RUNDC3B: variants seen among roughly 807,000 people sequenced by gnomAD.
RUNDC3B encodes RUN domain-containing protein 3B.
A neutral mutation model predicts 58.4 loss-of-function variants in RUNDC3B; 33 were observed. The ratio of observed to expected loss-of-function variants is 0.56; its 90% confidence interval spans 0.43 to 0.75. The LOEUF is 0.75. RUNDC3B is among the 30% of genes least tolerant of loss of function. RUNDC3B has a pLI of 0.00. For synonymous variants in RUNDC3B, 193 were observed against 195.2 expected, an observed-to-expected ratio of 0.99 and a Z score of 0.10; for missense variants, 501 against 535.7, an observed-to-expected ratio of 0.94 and a Z score of 0.64.
Position 87,768,519 on chromosome 7 carries a change from C to T in RUNDC3B, c.630-2062C>T, listed in dbSNP as rs151250165. ...GCTCAGGTTTGGGGGCAATGTGAGCCCAGCTGCACAAGCTGACCACCTGGT... is the reference window on the plus strand; with the variant it reads ...GCTCAGGTTTGGGGGCAATGTGAGCTCAGCTGCACAAGCTGACCACCTGGT... On this transcript the variant is annotated intron_variant, in intron 6 of 10. Coordinates refer to ENST00000394654, the MANE Select transcript of RUNDC3B (RefSeq NM_001134405.2). Among the ~76,000 whole-genome samples the T allele has an allele frequency of 2.6e-5, 4 of 152,332 alleles. No individual in the cohort carries two copies. In the East Asian group the frequency reaches 7.7e-4, roughly 29 times the overall value.
chr7:87,717,994 GATTT>G (rs1235141003), intron 4 of RUNDC3B, among the ~76,000 whole-genome samples: 1 of 152,048 alleles, frequency 6.6e-6, no homozygotes, highest in African/African-American at 2.4e-5. Flanking sequence ...GATCAAGTGT[GATTT>G]ATTCTGGGAA....
chr7:87,811,838 TA>T (rs1836732554), intron 9 of RUNDC3B, among the ~76,000 whole-genome samples: 1 of 152,248 alleles, frequency 6.6e-6, no homozygotes, highest in Non-Finnish European at 1.5e-5. Flanking sequence ...TTGATTTTAA[TA>T]AATTAAGAGA....
At chr7:87,818,914 C>A (rs1353000391) in intron 10 of RUNDC3B, among the ~76,000 whole-genome samples, 4 of 152,062 alleles carry the variant, frequency 2.6e-5, no homozygotes, top group Non-Finnish European at 4.4e-5. Context: ...ACAGTAAAAA[C>A]AAACAAACAA....
At chr7:87,764,478 G>A (rs933383232) in intron 6 of RUNDC3B, among the ~76,000 whole-genome samples, 15 of 151,708 alleles carry the variant, frequency 9.9e-5, no homozygotes, top group African/African-American at 3.6e-4. Flanking sequence ...ATTGCTTAAT[G>A]GTGAGCTTTG....
intron 2 of RUNDC3B, among the ~76,000 whole-genome samples, chr7:87,652,367 T>C (rs1241306070): frequency 6.6e-6 from 1 of 152,034 alleles, no homozygotes; most frequent in Non-Finnish European, 1.5e-5. Context: ...CGCACTAATC[T>C]GCCATCTTCT....
intron 2 of RUNDC3B, among the ~76,000 whole-genome samples, chr7:87,688,488 A>G (rs1233112479): frequency 2.0e-5 from 3 of 151,520 alleles, no homozygotes; most frequent in East Asian, 1.9e-4. Context: ...ACTTTTGCCT[A>G]TTTCTTCTGT....
At chr7:87,818,878 G>A (rs901725306) in intron 10 of RUNDC3B, among the ~76,000 whole-genome samples, 1 of 152,024 alleles carries the variant, frequency 6.6e-6, no homozygotes, top group Admixed American at 6.6e-5. Flanking sequence ...GTGTTAAGAA[G>A]GTAAATTTAA....
At chr7:87,744,988 C>CT (rs1832563280) in intron 6 of RUNDC3B, among the ~76,000 whole-genome samples, 1 of 152,092 alleles carries the variant, frequency 6.6e-6, no homozygotes, top group Non-Finnish European at 1.5e-5. Context: ...AGGTAGGTCC[C>CT]TTGTATGCCG....
chr7:87,689,483 CT>C (rs1827810966), intron 2 of RUNDC3B, among the ~76,000 whole-genome samples: 1 of 151,852 alleles, frequency 6.6e-6, no homozygotes, highest in Non-Finnish European at 1.5e-5. Flanking sequence ...AACAATTTTG[CT>C]TTATTGCGCT....
intron 1 of RUNDC3B, among the ~76,000 whole-genome samples, chr7:87,630,838 C>A (rs535879105): frequency 6.6e-6 from 1 of 151,940 alleles, no homozygotes; most frequent in East Asian, 1.9e-4. Flanking sequence ...CATGTGTGCC[C>A]TTATCAGAGA....
At chr7:87,723,318 G>A (rs1831017884) in intron 4 of RUNDC3B, among the ~76,000 whole-genome samples, 1 of 152,060 alleles carries the variant, frequency 6.6e-6, no homozygotes, top group South Asian at 2.1e-4. Flanking sequence ...TAGAGAAAAT[G>A]GGTAATATTC....
intron 7 of RUNDC3B, among the ~76,000 whole-genome samples, chr7:87,771,862 A>G (rs1242633051): frequency 6.6e-6 from 1 of 152,230 alleles, no homozygotes; most frequent in Non-Finnish European, 1.5e-5. Flanking sequence ...AATAGCAAAA[A>G]TAATGACCAA....
intron 4 of RUNDC3B, among the ~76,000 whole-genome samples, chr7:87,720,590 A>T (rs2130773618): frequency 7.0e-6 from 1 of 142,916 alleles, no homozygotes; most frequent in Non-Finnish European, 1.5e-5. Flanking sequence ...AATAATTATA[A>T]TTTTCTTTTT....
intron 6 of RUNDC3B, among the ~76,000 whole-genome samples, chr7:87,752,816 CA>C (rs924807222): frequency 6.0e-5 from 9 of 150,822 alleles, no homozygotes; most frequent in Non-Finnish European, 1.2e-4. Flanking sequence ...TTGATCCTTT[CA>C]AAAAACCAGC....
intron 6 of RUNDC3B, 87 bp from the exon 7 acceptor site, chr7:87,770,494 G>C (rs997220488): frequency 2.0e-6 from 2 of 992,808 alleles, no homozygotes; most frequent in Non-Finnish European, 3.0e-6. Context: ...TTTCGAATTT[G>C]TTCACCGTAG....
intron 8 of RUNDC3B, among the ~76,000 whole-genome samples, chr7:87,792,852 G>T (rs1160918156): frequency 6.6e-6 from 1 of 151,790 alleles, no homozygotes; most frequent in Non-Finnish European, 1.5e-5. Context: ...ATAATAAAGT[G>T]CAGAATAAAT....
At chr7:87,643,501 A>G (rs1822658852) in intron 1 of RUNDC3B, among the ~76,000 whole-genome samples, 1 of 152,140 alleles carries the variant, frequency 6.6e-6, no homozygotes, top group Non-Finnish European at 1.5e-5. Context: ...GAAAATACAC[A>G]TGATGTTTGA....
chr7:87,650,970 C>G, intron 2 of RUNDC3B, 33 bp downstream of exon 2: 3 of 1,247,890 alleles, frequency 2.4e-6, no homozygotes, highest in Non-Finnish European at 3.5e-6. Context: ...TATTTTCCCA[C>G]CAGCTGTCTT....
chr7:87,828,043 C>T (rs1010500455), intron 10 of RUNDC3B, among the ~76,000 whole-genome samples: 1 of 152,146 alleles, frequency 6.6e-6, no homozygotes, highest in East Asian at 1.9e-4. Context: ...ATTCTCTAAT[C>T]ACAGTGCAAA....
Sources: allele counts gnomAD v4.1 joint callset (sites outside exome capture counted in the v4.1 genomes callset), GRCh38; gene constraint gnomAD v4.1.1; transcripts MANE v1.5; gene names NCBI Gene and HGNC (gene_info 2026-07-23, HGNC 2026-07-21).